ARIH1: variants seen among roughly 807,000 people sequenced by gnomAD.
ARIH1 encodes the protein ariadne RBR E3 ubiquitin protein ligase 1.
Under a neutral mutation model 85.0 loss-of-function variants are expected in ARIH1, and 8 were observed. That is an observed-to-expected ratio of 0.09 (90% CI 0.06 to 0.17). ARIH1 has a LOEUF of 0.17. Among genes scored for constraint, ARIH1 ranks in the 10% least tolerant of loss-of-function variants. The pLI is 1.00. For missense variants in ARIH1, 311 were observed against 718.1 expected, an observed-to-expected ratio of 0.43 and a Z score of 6.48; for synonymous variants, 238 against 253.6, an observed-to-expected ratio of 0.94 and a Z score of 0.59.
intron 11 of ARIH1, among the ~76,000 whole-genome samples, chr15:72,576,967 A>T (rs1328106533): frequency 2.6e-5 from 4 of 151,594 alleles, no homozygotes; most frequent in Non-Finnish European, 5.9e-5. Flanking sequence ...TACATGTTTT[A>T]TTATACTGTG....
intron 11 of ARIH1, among the ~76,000 whole-genome samples, chr15:72,580,307 C>T (rs1595875472): frequency 6.6e-6 from 1 of 152,174 alleles, no homozygotes; most frequent in East Asian, 1.9e-4. Context: ...ACATACATGA[C>T]GTTTTCTTTC....
chr15:72,482,625 G>T (rs2063820695), intron 1 of ARIH1, among the ~76,000 whole-genome samples: 1 of 152,124 alleles, frequency 6.6e-6, no homozygotes, highest in Non-Finnish European at 1.5e-5. Flanking sequence ...CATCACATTA[G>T]ATTCTTTTGG....
chr15:72,508,345 G>C (rs1166727595), intron 1 of ARIH1, among the ~76,000 whole-genome samples: 1 of 152,180 alleles, frequency 6.6e-6, no homozygotes, highest in Non-Finnish European at 1.5e-5. Context: ...CTTTATTTCA[G>C]CCAAGAGCTT....
chr15:72,579,115 A>C (rs536904647), intron 11 of ARIH1, among the ~76,000 whole-genome samples: 2 of 152,196 alleles, frequency 1.3e-5, no homozygotes, highest in African/African-American at 4.8e-5. Flanking sequence ...GTTGGTTCAA[A>C]TTGGGATCCA....
At chr15:72,546,160 G>A (rs2064128177) in intron 3 of ARIH1, among the ~76,000 whole-genome samples, 1 of 152,086 alleles carries the variant, frequency 6.6e-6, no homozygotes, top group Non-Finnish European at 1.5e-5. Flanking sequence ...TTTTCCCTCA[G>A]CCTCCCAAGT....
intron 3 of ARIH1, among the ~76,000 whole-genome samples, chr15:72,550,767 G>A (rs2064149938): frequency 6.6e-6 from 1 of 152,120 alleles, no homozygotes; most frequent in African/African-American, 2.4e-5. Flanking sequence ...CGCCTCCCGG[G>A]TTCAAGTGAT....
In ARIH1 at chr15:72,579,619, G is replaced by A. The variant is rs561494640; in HGVS notation, c.1216-1112G>A. ...AGCACATGTGACTATTGAGCGATGA[G>A]GAACTGAATTTTTAGTTTCTTAAAT... On this transcript the variant is annotated intron_variant, in intron 11 of 13. Coordinates refer to ENST00000379887, the MANE Select transcript of ARIH1 (RefSeq NM_005744.5). Among the ~76,000 whole-genome samples the A allele has an allele frequency of 7.9e-5, 12 of 152,282 alleles. No homozygotes were observed. The South Asian group carries it at 2.5e-3, about 32-fold the overall frequency.
intron 5 of ARIH1, among the ~76,000 whole-genome samples, chr15:72,560,332 A>G (rs2064192473): frequency 6.6e-6 from 1 of 152,220 alleles, no homozygotes; most frequent in East Asian, 1.9e-4. Flanking sequence ...GAAACTCAGG[A>G]AAGGCTTCCT....
intron 1 of ARIH1, among the ~76,000 whole-genome samples, chr15:72,503,950 G>A (rs973813048): frequency 1.3e-5 from 2 of 152,222 alleles, no homozygotes; most frequent in African/African-American, 2.4e-5. Flanking sequence ...TAGCTCCACC[G>A]TCTGTGGACA....
intron 5 of ARIH1, among the ~76,000 whole-genome samples, chr15:72,556,676 G>A (rs971479703): frequency 6.6e-6 from 1 of 152,208 alleles, no homozygotes; most frequent in Admixed American, 6.5e-5. Flanking sequence ...CACCCAGGTA[G>A]TGAGAACAAT....
intron 1 of ARIH1, among the ~76,000 whole-genome samples, chr15:72,513,349 G>C (rs1006502404): frequency 2.6e-5 from 4 of 152,018 alleles, no homozygotes; most frequent in African/African-American, 9.7e-5. Context: ...TCTAACTCTT[G>C]ACATTCTAGT....
chr15:72,576,194 C>T (rs2064270132), intron 11 of ARIH1, among the ~76,000 whole-genome samples: 2 of 152,066 alleles, frequency 1.3e-5, no homozygotes, highest in African/African-American at 4.8e-5. Context: ...AGGAAAAGAA[C>T]ATACGTGTGT....
intron 5 of ARIH1, among the ~76,000 whole-genome samples, chr15:72,557,722 A>C (rs1483552401): frequency 6.6e-6 from 1 of 152,166 alleles, no homozygotes; most frequent in Non-Finnish European, 1.5e-5. Context: ...TAATTTTTGT[A>C]TATGGTGAAA....
chr15:72,540,773 T>C (rs1314208120), intron 2 of ARIH1, among the ~76,000 whole-genome samples: 1 of 152,144 alleles, frequency 6.6e-6, no homozygotes, highest in Non-Finnish European at 1.5e-5. Flanking sequence ...CTGTATGCTA[T>C]TATTGCATAT....
chr15:72,508,786 C>T (rs146111792), intron 1 of ARIH1, among the ~76,000 whole-genome samples: 4,766 of 151,318 alleles, frequency 0.031, 116 homozygotes, highest in East Asian at 0.11. Context: ...CTCCACGTCC[C>T]GGGTTCAAGC....
intron 1 of ARIH1, among the ~76,000 whole-genome samples, chr15:72,512,290 A>G (rs890956466): frequency 1.3e-5 from 2 of 151,996 alleles, no homozygotes; most frequent in African/African-American, 4.8e-5. Context: ...TCTTTGTGCA[A>G]GAGAGTTAAT....
intron 1 of ARIH1, among the ~76,000 whole-genome samples, chr15:72,479,263 T>G (rs978436475): frequency 6.6e-6 from 1 of 152,168 alleles, no homozygotes; most frequent in Non-Finnish European, 1.5e-5. Flanking sequence ...TCAAGTATTT[T>G]GGATAAGGAA....
At chr15:72,566,280 A>G in intron 7 of ARIH1, 1 of 382,566 alleles carries the variant, frequency 2.6e-6, no homozygotes, top group Non-Finnish European at 4.7e-6. Context: ...TTCTCAATAT[A>G]GTCTGAGGCA....
chr15:72,485,249 AT>A (rs1419958749), intron 1 of ARIH1, among the ~76,000 whole-genome samples: 5 of 152,222 alleles, frequency 3.3e-5, no homozygotes, highest in African/African-American at 7.2e-5. Context: ...GGGTAATGAC[AT>A]TGATGTGATC....
Sources: allele counts gnomAD v4.1 joint callset (sites outside exome capture counted in the v4.1 genomes callset), GRCh38; gene constraint gnomAD v4.1.1; transcripts MANE v1.5; gene names NCBI Gene and HGNC (gene_info 2026-07-23, HGNC 2026-07-21).